Variants in SEMA5A observed in about 807,000 individuals in gnomAD.
The protein encoded by SEMA5A is semaphorin-5A.
A neutral mutation model predicts 135.5 loss-of-function variants in SEMA5A; 55 were observed. That is an observed-to-expected ratio of 0.41 (90% CI 0.33 to 0.51). The LOEUF (loss-of-function observed/expected upper bound fraction) is 0.51, where lower values mean the gene tolerates loss of function less well. Among genes scored for constraint, SEMA5A ranks in the 20% least tolerant of loss-of-function variants. The pLI, the probability that SEMA5A is intolerant of heterozygous loss-of-function variation, is 0.37. For synonymous variants in SEMA5A, 580 were observed against 546.5 expected, an observed-to-expected ratio of 1.06 and a Z score of -0.85; for missense variants, 1,290 against 1,419.9, an observed-to-expected ratio of 0.91 and a Z score of 1.47.
At chr5:9,252,680 A>T (rs1304613732) in intron 5 of SEMA5A, among the ~76,000 whole-genome samples, 1 of 152,210 alleles carries the variant, frequency 6.6e-6, no homozygotes, top group African/African-American at 2.4e-5. Flanking sequence ...AGATCCATCC[A>T]TTATTCAAGC....
intron 2 of SEMA5A, among the ~76,000 whole-genome samples, chr5:9,429,143 A>C (rs868153450): frequency 2.0e-5 from 3 of 152,166 alleles, no homozygotes; most frequent in South Asian, 2.1e-4. Context: ...TTAGCTGAGA[A>C]CTGGTGAACA....
chr5:9,488,132 C>T (rs1734821721), intron 1 of SEMA5A, among the ~76,000 whole-genome samples: 1 of 152,190 alleles, frequency 6.6e-6, no homozygotes, highest in Non-Finnish European at 1.5e-5. Context: ...AGTTTATGTT[C>T]TGTGTCTATA....
chr5:9,276,249 C>T (rs916121857), intron 5 of SEMA5A, among the ~76,000 whole-genome samples: 1 of 152,134 alleles, frequency 6.6e-6, no homozygotes, highest in Non-Finnish European at 1.5e-5. Flanking sequence ...ATACAACTTA[C>T]AATGGATGTG....
intron 14 of SEMA5A, among the ~76,000 whole-genome samples, chr5:9,121,481 T>G (rs990837107): frequency 1.3e-5 from 2 of 152,244 alleles, no homozygotes; most frequent in Non-Finnish European, 2.9e-5. Flanking sequence ...TGAAGACAGA[T>G]CGATAAATAA....
chr5:9,454,619 CA>C (rs1758763691), intron 1 of SEMA5A, among the ~76,000 whole-genome samples: 1 of 152,032 alleles, frequency 6.6e-6, no homozygotes, highest in Non-Finnish European at 1.5e-5. Flanking sequence ...AACGTAAAAA[CA>C]AAACAAAACA....
At position 9,042,775 on chromosome 5, in the gene SEMA5A, G is replaced by T; in HGVS notation, c.*122C>A. On this transcript the variant is annotated 3_prime_UTR_variant, in exon 23 of 23. Transcript: ENST00000382496. ...TTTGGCAGCAATGGGACACTCTGGT[G>T]GCTTGAAATGCACTTGAAATGTATC... is the stretch of plus-strand genomic sequence containing the variant. 8.2e-7 allele frequency: 1 copy of T among 1,216,562 alleles called. No individual in the cohort carries two copies. Among genetic ancestry groups the T allele is most frequent in the Non-Finnish European group, 1.2e-6 (1 of 850,202 alleles). The allele number at this position is 1,216,562 out of a possible 1,614,324, so 75.4% of individuals were successfully genotyped here. A position where few individuals can be genotyped will look rare whatever the true frequency, so the allele number is the denominator to read the frequency against.
chr5:9,057,875 A>C (rs1049568908), intron 18 of SEMA5A, among the ~76,000 whole-genome samples: 1 of 152,214 alleles, frequency 6.6e-6, no homozygotes, highest in African/African-American at 2.4e-5. Context: ...TTCAACCCAC[A>C]TCATGGAGCC....
At position 9,205,822 on chromosome 5, in the gene SEMA5A, T is replaced by C. The variant is rs538545904; in HGVS notation, c.647-3582A>G. On this transcript the variant is annotated intron_variant, in intron 8 of 22. Coordinates refer to ENST00000382496, the MANE Select transcript of SEMA5A (RefSeq NM_003966.3). The stretch of plus-strand genomic sequence containing the variant: ...CTACACTGATCCTTCAGGATGAGGG[T>C]GGACCCCTGACTGTGTGACCTGCCA... 2.6e-5 allele frequency among the ~76,000 whole-genome samples: 4 copies of C among 152,226 alleles called. No individual in the cohort carries two copies. In the South Asian group the frequency reaches 6.2e-4, roughly 24 times the overall value.
rs774681462 is a variant in SEMA5A at position 9,066,499 on chromosome 5, T to A, written c.2221A>T (p.Asn741Tyr). The A allele has an allele frequency of 1.9e-5, 31 of 1,613,916 alleles. No individual in the cohort carries two copies. The highest frequency in any genetic ancestry group is 2.5e-5 in the Non-Finnish European group (30 of 1,180,024). ...YTCKARLADP[N>Y]LLEVGRQRIE... ...CTCTGTCTTCCCACTTCCAGCAAAT[T>A]CGGATCAGCCAGGCGGGCTTTGCAT... Residue 741 changes from asparagine (N) to tyrosine (Y), a missense_variant, in exon 17 of 23, where the codon AAT (asparagine) becomes TAT (tyrosine). By Grantham distance (143) the Asn-to-Tyr change is moderately radical (BLOSUM62 -2). Coordinates refer to ENST00000382496, the MANE Select transcript of SEMA5A (RefSeq NM_003966.3).
chr5:9,142,953 GACAAACAA>G (rs138971316), intron 12 of SEMA5A, among the ~76,000 whole-genome samples: 1 of 151,670 alleles, frequency 6.6e-6, no homozygotes, highest in Non-Finnish European at 1.5e-5. Flanking sequence ...ATCCATCTCA[GACAAACAA>G]ACAAACAAAC....
At chr5:9,061,371 T>C (rs1453426914) in intron 18 of SEMA5A, among the ~76,000 whole-genome samples, 1 of 152,160 alleles carries the variant, frequency 6.6e-6, no homozygotes, top group African/African-American at 2.4e-5. Context: ...TTCTAGTATG[T>C]GCCAGGCCCC....
At chr5:9,172,230 TAGAGATATTAA>T (rs761864860) in intron 11 of SEMA5A, among the ~76,000 whole-genome samples, 82 of 152,300 alleles carry the variant, frequency 5.4e-4, no homozygotes, top group African/African-American at 1.7e-3. Flanking sequence ...GAATGCTGCC[TAGAGATATTAA>T]AAATGCCAAC....
At chr5:9,229,156 A>T (rs1747481385) in intron 6 of SEMA5A, among the ~76,000 whole-genome samples, 1 of 152,216 alleles carries the variant, frequency 6.6e-6, no homozygotes, top group South Asian at 2.1e-4. Context: ...TATTCCTAAC[A>T]GTAATAGTAA....
intron 2 of SEMA5A, among the ~76,000 whole-genome samples, chr5:9,414,500 T>C (rs1757217146): frequency 6.6e-6 from 1 of 152,204 alleles, no homozygotes; most frequent in African/African-American, 2.4e-5. Flanking sequence ...TAGATGGAAA[T>C]AGGTTCACTT....
At chr5:9,075,095 G>GA (rs1398036292) in intron 16 of SEMA5A, among the ~76,000 whole-genome samples, 2 of 151,980 alleles carry the variant, frequency 1.3e-5, no homozygotes, top group Admixed American at 6.6e-5. Context: ...GAAATGTTTT[G>GA]AAAAAAATGT....
At chr5:9,268,313 G>T (rs758125991) in intron 5 of SEMA5A, among the ~76,000 whole-genome samples, 7 of 152,086 alleles carry the variant, frequency 4.6e-5, no homozygotes, top group Non-Finnish European at 7.4e-5. Context: ...GAAACCTAGA[G>T]AATCAACTTC....
At chr5:9,247,428 A>C (rs1017479905) in intron 5 of SEMA5A, among the ~76,000 whole-genome samples, 2 of 152,148 alleles carry the variant, frequency 1.3e-5, no homozygotes, top group Non-Finnish European at 2.9e-5. Flanking sequence ...AGTCTTCTGA[A>C]ACTGGCTTCA....
intron 5 of SEMA5A, among the ~76,000 whole-genome samples, chr5:9,296,461 T>C (rs975624731): frequency 2.0e-5 from 3 of 152,226 alleles, no homozygotes; most frequent in Non-Finnish European, 4.4e-5. Context: ...AATTTATAAC[T>C]ATAAATATAC....
rs1049443844 is a variant in SEMA5A, at chr5:9,545,283, C to T, written c.-175+301G>A. On this transcript the variant is annotated intron_variant, in intron 1 of 22. Transcript: ENST00000382496. The surrounding 1 kb of genome is among the most constrained non-coding windows in gnomAD (Gnocchi z 4.5). ...CTTTCCGGGTGTTGGGCAGGGGTCC[C>T]GTCTCGCCCACCGCGACACTCCGGC... Among the ~76,000 whole-genome samples, 1 of 152,044 alleles carries T rather than the reference C, an allele frequency of 6.6e-6. No homozygotes were observed. The highest frequency in any genetic ancestry group is 2.4e-5 in the African/African-American group (1 of 41,404).
Sources: gnomAD v4.1 joint callset for allele counts (sites outside exome capture counted in the v4.1 genomes callset) on GRCh38, gnomAD v4.1.1 for gene constraint, Gnocchi (gnomAD v3.1) non-coding constraint, MANE v1.5 for transcripts, NCBI Gene and HGNC (gene_info 2026-07-23, HGNC 2026-07-21) for gene names.